PELI2: variants seen among roughly 807,000 people sequenced by gnomAD.
PELI2 encodes E3 ubiquitin-protein ligase pellino homolog 2.
PELI2 carries 23 observed loss-of-function variants against 42.3 expected under a neutral mutation model. That is an observed-to-expected ratio of 0.54 (90% CI 0.39 to 0.77). PELI2 has a LOEUF of 0.77. Ranked by LOEUF, PELI2 falls within the 30% of genes least tolerant of loss-of-function variation. The pLI is 0.00. For synonymous variants in PELI2, 245 were observed against 212.2 expected (o/e 1.15, Z -1.34); for missense variants, 463 against 553.2 (o/e 0.84, Z 1.64).
chr14:56,122,460 A>G (rs1472686262), intron 1 of PELI2, among the ~76,000 whole-genome samples: 2 of 152,162 alleles, frequency 1.3e-5, no homozygotes, highest in African/African-American at 2.4e-5. Context: ...TCAGTTCCTC[A>G]AAGCATCCTT....
intron 2 of PELI2, among the ~76,000 whole-genome samples, chr14:56,187,662 A>T (rs1885815603): frequency 6.6e-6 from 1 of 152,146 alleles, no homozygotes; most frequent in South Asian, 2.1e-4. Flanking sequence ...AAAGTACTTT[A>T]TCCTCTTTGA....
chr14:56,238,824 G>A (rs1221841576), intron 2 of PELI2, among the ~76,000 whole-genome samples: 1 of 152,084 alleles, frequency 6.6e-6, no homozygotes. Context: ...GAGGATTTGT[G>A]GGTTAAAGTT....
At chr14:56,121,199 A>G (rs755226719) in intron 1 of PELI2, among the ~76,000 whole-genome samples, 1 of 150,398 alleles carries the variant, frequency 6.6e-6, no homozygotes, top group South Asian at 2.1e-4. Context: ...AATGCCTAAT[A>G]TTTGGTATTG....
chr14:56,160,355 A>G (rs1314703477), intron 1 of PELI2, among the ~76,000 whole-genome samples: 1 of 152,188 alleles, frequency 6.6e-6, no homozygotes, highest in Non-Finnish European at 1.5e-5. Context: ...CACATTTGGC[A>G]TTGGAGGCAG....
intron 2 of PELI2, among the ~76,000 whole-genome samples, chr14:56,221,997 A>G (rs1395525446): frequency 1.3e-5 from 2 of 152,116 alleles, no homozygotes; most frequent in African/African-American, 2.4e-5. Context: ...TGACTTGAAT[A>G]ACAGTTATTT....
At chr14:56,225,510 C>T (rs563377930) in intron 2 of PELI2, among the ~76,000 whole-genome samples, 12 of 152,246 alleles carry the variant, frequency 7.9e-5, no homozygotes, top group Admixed American at 2.0e-4. Flanking sequence ...ATGGGGCCCA[C>T]GTTGGGCTGA....
Position 56,290,419 on chromosome 14 carries a change from T to A in PELI2, c.659T>A (p.Leu220Ter). 6.2e-7 allele frequency: 1 copy of A among 1,608,624 alleles called. No individual in the cohort carries two copies. Among genetic ancestry groups the A allele is most frequent in the Non-Finnish European group, 8.5e-7 (1 of 1,176,338 alleles). ...TCTGTCTGTGGAGATGTGTACACCT[T>A]GCGAGAAACCAGGTCGGCCCAGCAA... ...EISVCGDVYT[L>*]RETRSAQQRG... Residue 220 changes from leucine to a stop codon, truncating the protein, a stop_gained, in exon 5 of 6, where the codon TTG becomes TAG. Transcript: ENST00000267460. LOFTEE classifies it high-confidence loss of function.
chr14:56,232,412 T>A (rs1887617917), intron 2 of PELI2, among the ~76,000 whole-genome samples: 1 of 152,128 alleles, frequency 6.6e-6, no homozygotes, highest in South Asian at 2.1e-4. Flanking sequence ...TTATCCACCA[T>A]GATCAAGTTG....
In PELI2 at chr14:56,298,820, A is replaced by C. The variant is rs1052171246; in HGVS notation, c.*1654A>C. 6.6e-6 allele frequency: 1 copy of C among 152,500 alleles called. No individual in the cohort carries two copies. Among genetic ancestry groups the C allele is most frequent in the Non-Finnish European group, 1.5e-5 (1 of 68,030 alleles). 9.4% of individuals were successfully genotyped at this position (152,500 alleles called of 1,614,324 possible). ...TATTTTTCAGTGGAGATCATTGTTT[A>C]GGATGAGACATTTTTGGTTTTGGTT... On this transcript the variant is annotated 3_prime_UTR_variant, in exon 6 of 6. Transcript: ENST00000267460.
At chr14:56,289,766 A>G (rs139098553) in intron 4 of PELI2, among the ~76,000 whole-genome samples, 79 of 152,358 alleles carry the variant, frequency 5.2e-4, no homozygotes, top group Middle Eastern at 3.4e-3. Flanking sequence ...AACGGTGATT[A>G]TTATGAAAAC....
intron 1 of PELI2, among the ~76,000 whole-genome samples, chr14:56,146,732 A>G (rs932525029): frequency 1.3e-5 from 2 of 152,312 alleles, no homozygotes; most frequent in Middle Eastern, 3.4e-3. Flanking sequence ...TTAGGTTTGC[A>G]TGATGAGAGA....
chr14:56,216,731 C>T (rs1886917610), intron 2 of PELI2, among the ~76,000 whole-genome samples: 1 of 152,196 alleles, frequency 6.6e-6, no homozygotes, highest in African/African-American at 2.4e-5. Context: ...TTCAGAGTTC[C>T]ATTGCTTTCA....
chr14:56,119,477 C>G (rs1447654071), intron 1 of PELI2, among the ~76,000 whole-genome samples: 1 of 152,248 alleles, frequency 6.6e-6, no homozygotes, highest in East Asian at 1.9e-4. Context: ...TCGCTGATGC[C>G]CTCCCGGCTG....
chr14:56,184,369 G>T (rs192484182), intron 2 of PELI2, among the ~76,000 whole-genome samples: 1 of 152,144 alleles, frequency 6.6e-6, no homozygotes, highest in Admixed American at 6.5e-5. Flanking sequence ...AAACAAATTT[G>T]AAATGAAACA....
Position 56,152,090 on chromosome 14 carries a change from T to G in PELI2, c.78-26245T>G, listed in dbSNP as rs533312498. Reference sequence around the variant, plus strand: ...TTCAGGGAAGAGAAAGGCCAGGGAATGTGCTTTCAACTTTAAGGAGAAGAG... The same window carrying G: ...TTCAGGGAAGAGAAAGGCCAGGGAAGGTGCTTTCAACTTTAAGGAGAAGAG... On this transcript the variant is annotated intron_variant, in intron 1 of 5. Coordinates refer to ENST00000267460, the MANE Select transcript of PELI2 (RefSeq NM_021255.3). 2.6e-5 allele frequency among the ~76,000 whole-genome samples: 4 copies of G among 152,308 alleles called. No homozygotes were observed. The East Asian group carries it at 7.7e-4, about 29-fold the overall frequency.
chr14:56,172,973 T>C (rs1885233890), intron 1 of PELI2, among the ~76,000 whole-genome samples: 1 of 152,218 alleles, frequency 6.6e-6, no homozygotes, highest in East Asian at 1.9e-4. Flanking sequence ...TAGTTGAATT[T>C]CCCAGGCTCT....
At chr14:56,149,929 T>G (rs1199697756) in intron 1 of PELI2, among the ~76,000 whole-genome samples, 4 of 152,166 alleles carry the variant, frequency 2.6e-5, no homozygotes, top group African/African-American at 9.7e-5. Flanking sequence ...TGTTCGGAGA[T>G]TTAACAGGTC....
rs943512590 is a variant in PELI2 at position 56,297,611 on chromosome 14, T to A, written c.*445T>A. Reference sequence around the variant, plus strand: ...AAGGGCGCACAGTGTCTAGAAATACTTGATCGTGGCTCAAACCTGACCAGA... The same window carrying A: ...AAGGGCGCACAGTGTCTAGAAATACATGATCGTGGCTCAAACCTGACCAGA... On this transcript the variant is annotated 3_prime_UTR_variant, in exon 6 of 6. Transcript: ENST00000267460. 2 of 169,236 alleles carry A rather than the reference T, an allele frequency of 1.2e-5. No homozygotes were observed. Among genetic ancestry groups the A allele is most frequent in the Non-Finnish European group, 2.6e-5 (2 of 77,442 alleles). The allele number at this position is 169,236 out of a possible 1,614,324, so 10.5% of individuals were successfully genotyped here.
At chr14:56,174,849 C>A (rs986724402) in intron 1 of PELI2, among the ~76,000 whole-genome samples, 2 of 152,124 alleles carry the variant, frequency 1.3e-5, no homozygotes, top group Non-Finnish European at 2.9e-5. Context: ...ACGTTACAGT[C>A]GGGCTCCTGC....
Sources: gnomAD v4.1 joint callset for allele counts (sites outside exome capture counted in the v4.1 genomes callset) on GRCh38, gnomAD v4.1.1 for gene constraint, MANE v1.5 for transcripts, NCBI Gene and HGNC (gene_info 2026-07-23, HGNC 2026-07-21) for gene names.